The following TRIM44 variants were observed in gnomAD, a reference collection of about 807,000 sequenced individuals.
TRIM44 encodes tripartite motif containing 44.
In TRIM44, 13 loss-of-function variants were observed where a neutral mutation model predicts 37.4. That is an observed-to-expected ratio of 0.35 (90% CI 0.23 to 0.55). The LOEUF is 0.55. TRIM44 is among the 20% of genes least tolerant of loss of function. The pLI, the probability that TRIM44 is intolerant of heterozygous loss-of-function variation, is 0.89. For missense variants in TRIM44, 426 were observed against 437.2 expected (o/e 0.97, Z 0.23); for synonymous variants, 175 against 157.2 (o/e 1.11, Z -0.85).
At chr11:35,739,085 A>C (rs1241082833) in intron 4 of TRIM44, among the ~76,000 whole-genome samples, 4 of 152,128 alleles carry the variant, frequency 2.6e-5, no homozygotes, top group Admixed American at 2.6e-4. Context: ...TAGGGGACCA[A>C]ATGTTGTGCT....
chr11:35,681,447 T>C (rs778584314), intron 1 of TRIM44, among the ~76,000 whole-genome samples: 13 of 152,196 alleles, frequency 8.5e-5, no homozygotes, highest in Non-Finnish European at 1.6e-4. Context: ...GGTGTCACAA[T>C]GTAGCACTTA....
At chr11:35,803,832 T>C (rs1311382504) in intron 4 of TRIM44, among the ~76,000 whole-genome samples, 10 of 152,194 alleles carry the variant, frequency 6.6e-5, no homozygotes, top group African/African-American at 2.4e-4. Context: ...TGCCTCACAC[T>C]AATTATATTG....
rs540330106 is a variant in TRIM44, at chr11:35,687,312, T to C, written c.747+1976T>C. The stretch of plus-strand genomic sequence containing the variant: ...GCAATGAAAATATCGGGGACATTGG[T>C]AAGATCTCTTGTCTTCTGGTGTAGT... On this transcript the variant is annotated intron_variant, in intron 2 of 4. Coordinates refer to ENST00000299413, the MANE Select transcript of TRIM44 (RefSeq NM_017583.6). 4.6e-5 allele frequency among the ~76,000 whole-genome samples: 7 copies of C among 152,328 alleles called. No homozygotes were observed. The South Asian group carries it at 1.5e-3, about 32-fold the overall frequency.
intron 2 of TRIM44, among the ~76,000 whole-genome samples, chr11:35,706,904 T>C (rs1405201247): frequency 3.3e-5 from 5 of 149,988 alleles, no homozygotes; most frequent in Non-Finnish European, 6.0e-5. Flanking sequence ...TGTTGGAAGT[T>C]CTGGCCAGGG....
chr11:35,776,633 T>G (rs2133869172), intron 4 of TRIM44, among the ~76,000 whole-genome samples: 1 of 152,378 alleles, frequency 6.6e-6, no homozygotes, highest in African/African-American at 2.4e-5. Flanking sequence ...GCTTTAAATG[T>G]GTCCCAGAGA....
chr11:35,664,259 G>A (rs1472270469), intron 1 of TRIM44, among the ~76,000 whole-genome samples: 1 of 152,160 alleles, frequency 6.6e-6, no homozygotes, highest in Non-Finnish European at 1.5e-5. Context: ...AACTTCATAT[G>A]TGCCCCGAGT....
At chr11:35,664,371 A>G (rs1049988188) in intron 1 of TRIM44, among the ~76,000 whole-genome samples, 2 of 152,198 alleles carry the variant, frequency 1.3e-5, no homozygotes, top group African/African-American at 4.8e-5. Flanking sequence ...CTCTGTCTGG[A>G]TCTTTGTCTG....
At chr11:35,697,903 G>A (rs9734565) in intron 2 of TRIM44, among the ~76,000 whole-genome samples, 6,933 of 150,612 alleles carry the variant, frequency 0.046, 512 homozygotes, top group African/African-American at 0.16. Flanking sequence ...GAATAGTGCC[G>A]CAATAAACAT....
chr11:35,695,954 C>T (rs1851692585), intron 2 of TRIM44, among the ~76,000 whole-genome samples: 1 of 149,060 alleles, frequency 6.7e-6, no homozygotes, highest in South Asian at 2.1e-4. Context: ...GTTTACCTCT[C>T]TTTTGGATGC....
At chr11:35,682,812 T>C (rs967942041) in intron 1 of TRIM44, among the ~76,000 whole-genome samples, 2 of 152,236 alleles carry the variant, frequency 1.3e-5, no homozygotes, top group South Asian at 2.1e-4. Context: ...ACGAGGCACA[T>C]CTGCTTGCAG....
intron 4 of TRIM44, among the ~76,000 whole-genome samples, chr11:35,782,193 G>A (rs551686585): frequency 1.3e-5 from 2 of 152,134 alleles, no homozygotes; most frequent in Non-Finnish European, 2.9e-5. Flanking sequence ...TCCAGCGGGT[G>A]GGGGGAATCC....
chr11:35,796,123 A>T (rs1002977685), intron 4 of TRIM44, among the ~76,000 whole-genome samples: 1 of 152,208 alleles, frequency 6.6e-6, no homozygotes, highest in African/African-American at 2.4e-5. Flanking sequence ...AAGTAGCACT[A>T]GGTCATTATG....
rs114726353 is a variant in TRIM44 at position 35,720,719 on chromosome 11, C to T, written c.748-5205C>T. Among the ~76,000 whole-genome samples the T allele has an allele frequency of 8.8e-3, 1,339 of 152,134 alleles. 17 individuals carry two copies. The highest frequency in any genetic ancestry group is 0.03 in the African/African-American group (1,245 of 41,506). ...AAGTGGAGGAAGCTCCCCCCCACCC[C>T]ATTCCTAGTGTACTGAGAGTTTTTA... On this transcript the variant is annotated intron_variant, in intron 2 of 4. Transcript: ENST00000299413.
chr11:35,699,589 A>G (rs898760169), intron 2 of TRIM44, among the ~76,000 whole-genome samples: 3 of 151,974 alleles, frequency 2.0e-5, no homozygotes, highest in Non-Finnish European at 4.4e-5. Flanking sequence ...CATAGTGTTG[A>G]AAGTCCTGGC....
chr11:35,740,723 C>T (rs1272185781), intron 4 of TRIM44, among the ~76,000 whole-genome samples: 1 of 152,134 alleles, frequency 6.6e-6, no homozygotes, highest in Non-Finnish European at 1.5e-5. Context: ...CATCCTTGTA[C>T]TCTTATTTTT....
chr11:35,796,337 C>T (rs1373977734), intron 4 of TRIM44, among the ~76,000 whole-genome samples: 1 of 152,174 alleles, frequency 6.6e-6, no homozygotes, highest in Non-Finnish European at 1.5e-5. Flanking sequence ...AGATAAGTGT[C>T]AAGTATATTT....
chr11:35,738,465 A>G (rs1220336219), intron 4 of TRIM44, among the ~76,000 whole-genome samples: 1 of 152,196 alleles, frequency 6.6e-6, no homozygotes, highest in Non-Finnish European at 1.5e-5. Context: ...TTTTGGTACA[A>G]TAAGTACCAA....
intron 2 of TRIM44, among the ~76,000 whole-genome samples, chr11:35,699,129 G>A (rs1851745647): frequency 6.8e-6 from 1 of 147,532 alleles, no homozygotes; most frequent in African/African-American, 2.5e-5. Flanking sequence ...GTTCTGTTCT[G>A]TTCCATTGGT....
At position 35,805,554 on chromosome 11, in the gene TRIM44, A is replaced by T. The variant is rs1010098854; in HGVS notation, c.1008-804A>T. 2.0e-4 allele frequency among the ~76,000 whole-genome samples: 31 copies of T among 152,186 alleles called. 1 individual carries two copies. Among genetic ancestry groups the T allele is most frequent in the African/African-American group, 6.8e-4 (28 of 41,444 alleles). On this transcript the variant is annotated intron_variant, in intron 4 of 4. Coordinates refer to ENST00000299413, the MANE Select transcript of TRIM44 (RefSeq NM_017583.6). The stretch of plus-strand genomic sequence containing the variant: ...CTGGAATAACCTGGCCAGGGCAGTA[A>T]TGACTGACCAGTCCCTTCAACTGTG...
Sources: gnomAD v4.1 joint callset for allele counts (sites outside exome capture counted in the v4.1 genomes callset) on GRCh38, gnomAD v4.1.1 for gene constraint, MANE v1.5 for transcripts, NCBI Gene and HGNC (gene_info 2026-07-23, HGNC 2026-07-21) for gene names.